Variants in PRKCZ observed in about 807,000 individuals in gnomAD.
The protein encoded by PRKCZ is protein kinase C zeta type.
Under a neutral mutation model 79.5 loss-of-function variants are expected in PRKCZ, and 33 were observed. The observed-to-expected ratio is 0.41, with a 90% CI of 0.31 to 0.55. PRKCZ has a LOEUF of 0.55. Ranked by LOEUF, PRKCZ falls within the 20% of genes least tolerant of loss-of-function variation. PRKCZ has a pLI of 0.19. For missense variants in PRKCZ, 578 were observed against 813.5 expected (o/e 0.71, Z 3.52); for synonymous variants, 342 against 320.9 (o/e 1.07, Z -0.70).
At chr1:2,083,691 GT>G (rs1453341597) in intron 4 of PRKCZ, among the ~76,000 whole-genome samples, 2 of 152,026 alleles carry the variant, frequency 1.3e-5, no homozygotes, top group African/African-American at 4.8e-5. Flanking sequence ...GAATTCCAGT[GT>G]GTCAGGAGGC....
rs1443115665 is a variant in PRKCZ, at chr1:2,127,869, G to A, written c.335-7393G>A. On this transcript the variant is annotated intron_variant, in intron 4 of 17. Coordinates refer to ENST00000378567, the MANE Select transcript of PRKCZ (RefSeq NM_002744.6). The surrounding 1 kb of genome is among the most constrained non-coding windows in gnomAD (Gnocchi z 5.1). ...GTCCCACCCCAAACCCCAAACTCCAGTGTCTGGGCCACGGGCAGCCCTGGG... is the reference window on the plus strand; with the variant it reads ...GTCCCACCCCAAACCCCAAACTCCAATGTCTGGGCCACGGGCAGCCCTGGG... Among the ~76,000 whole-genome samples the A allele has an allele frequency of 6.6e-6, 1 of 152,210 alleles. No homozygotes were observed. The highest frequency in any genetic ancestry group is 2.4e-5 in the African/African-American group (1 of 41,462).
At chr1:2,160,736 G>T (rs561577492) in intron 10 of PRKCZ, among the ~76,000 whole-genome samples, 1 of 152,300 alleles carries the variant, frequency 6.6e-6, no homozygotes, top group Admixed American at 6.5e-5. Context: ...CCCCATGTGG[G>T]GGAGTCACCC....
rs138411503 is a variant in PRKCZ at position 2,128,855 on chromosome 1, C to T, written c.335-6407C>T. 1.9e-4 allele frequency among the ~76,000 whole-genome samples: 29 copies of T among 152,260 alleles called. No individual in the cohort carries two copies. Among genetic ancestry groups the T allele is most frequent in the East Asian group, 5.8e-4 (3 of 5,180 alleles). On this transcript the variant is annotated intron_variant, in intron 4 of 17. Coordinates refer to ENST00000378567, the MANE Select transcript of PRKCZ (RefSeq NM_002744.6). The surrounding 1 kb of genome is among the most constrained non-coding windows in gnomAD (Gnocchi z 6.5). ...TGAGACCCTGTTCCACAGAGGTAGC[C>T]GGGGGACTCGCGGTGCCAGGCCCAC...
intron 10 of PRKCZ, among the ~76,000 whole-genome samples, chr1:2,162,376 C>T (rs756669692): frequency 2.6e-5 from 4 of 152,250 alleles, no homozygotes; most frequent in Non-Finnish European, 4.4e-5. Context: ...AAGTGATCCA[C>T]CTGCCTGGGC....
Position 2,050,779 on chromosome 1 carries a change from G to A in PRKCZ, c.71+78G>A, listed in dbSNP as rs563378466. 5.2e-5 allele frequency: 50 copies of A among 956,708 alleles called. No homozygotes were observed. In the African/African-American group the frequency reaches 6.8e-4, roughly 13 times the overall value. The allele number at this position is 956,708 out of a possible 1,614,324, so 59.3% of individuals were successfully genotyped here. ...AGGGCTCAGCCGTCGGGGCTCCTGC[G>A]CGAGAGGGAGAGAGGGAAGGGGCGG... On this transcript the variant is annotated intron_variant, in intron 1 of 17. Transcript: ENST00000378567.
At chr1:2,107,394 C>T (rs1198416696) in intron 4 of PRKCZ, among the ~76,000 whole-genome samples, 5 of 152,254 alleles carry the variant, frequency 3.3e-5, no homozygotes, top group African/African-American at 1.2e-4. Context: ...CGTCCTCTCT[C>T]CTTCCACGGC....
intron 4 of PRKCZ, among the ~76,000 whole-genome samples, chr1:2,126,397 C>A (rs1017991014): frequency 3.4e-4 from 51 of 152,162 alleles, no homozygotes; most frequent in South Asian, 1.0e-3. Flanking sequence ...ATGGGCAGGT[C>A]CCCCATCACG....
At chr1:2,085,700 C>T (rs1390569389) in intron 4 of PRKCZ, among the ~76,000 whole-genome samples, 1 of 118,264 alleles carries the variant, frequency 8.5e-6, no homozygotes, top group African/African-American at 3.2e-5. Context: ...GGGCTGAGGA[C>T]GTCGGGGGGC....
At chr1:2,169,057 G>A in intron 10 of PRKCZ, 1 of 432,800 alleles carries the variant, frequency 2.3e-6, no homozygotes, top group South Asian at 1.6e-5. Flanking sequence ...GAGGGCCGGT[G>A]GACTCCTCAG....
chr1:2,166,589 C>G (rs1683367478), intron 10 of PRKCZ, among the ~76,000 whole-genome samples: 1 of 152,074 alleles, frequency 6.6e-6, no homozygotes, highest in Admixed American at 6.6e-5. Flanking sequence ...AGTGTGGCTA[C>G]CAGGACACGG....
chr1:2,054,913 T>C (rs1660016566), intron 1 of PRKCZ, among the ~76,000 whole-genome samples: 1 of 151,862 alleles, frequency 6.6e-6, no homozygotes, highest in Non-Finnish European at 1.5e-5. Context: ...CGCGCTTTTT[T>C]CTCTGTGCAA....
intron 4 of PRKCZ, among the ~76,000 whole-genome samples, chr1:2,114,782 AG>A (rs1670412489): frequency 6.6e-6 from 1 of 151,950 alleles, no homozygotes; most frequent in Non-Finnish European, 1.5e-5. Flanking sequence ...CAAAAAAAAA[AG>A]AAAAAGAAAA....
intron 10 of PRKCZ, among the ~76,000 whole-genome samples, chr1:2,164,448 G>A (rs1682937343): frequency 6.6e-6 from 1 of 152,200 alleles, no homozygotes; most frequent in Non-Finnish European, 1.5e-5. Flanking sequence ...GTCCATGTTG[G>A]GTGTGGTATC....
intron 4 of PRKCZ, among the ~76,000 whole-genome samples, chr1:2,102,942 C>T (rs1009197083): frequency 1.3e-5 from 2 of 152,060 alleles, no homozygotes; most frequent in South Asian, 2.1e-4. Context: ...TACAGTGGTA[C>T]AATCACGGCT....
intron 4 of PRKCZ, among the ~76,000 whole-genome samples, chr1:2,100,364 T>A (rs1244807637): frequency 2.6e-5 from 4 of 152,238 alleles, no homozygotes; most frequent in Non-Finnish European, 5.9e-5. Flanking sequence ...GCCAGACCTC[T>A]GTCTGTCCCT....
intron 10 of PRKCZ, among the ~76,000 whole-genome samples, chr1:2,159,216 C>T (rs1433349132): frequency 1.3e-5 from 2 of 152,282 alleles, no homozygotes; most frequent in African/African-American, 4.8e-5. Context: ...CACACAGCAC[C>T]AGACACCCAC....
chr1:2,179,469 C>T (rs992452527), intron 16 of PRKCZ, among the ~76,000 whole-genome samples: 1 of 152,224 alleles, frequency 6.6e-6, no homozygotes, highest in Non-Finnish European at 1.5e-5. Context: ...TAGTGACTAT[C>T]AGGAGTCTGA....
Position 2,093,265 on chromosome 1 carries a change from C to T in PRKCZ, c.334+33674C>T, listed in dbSNP as rs573409207. Among the ~76,000 whole-genome samples the T allele has an allele frequency of 6.6e-5, 10 of 152,250 alleles. 1 individual carries two copies. The highest frequency in any genetic ancestry group is 2.2e-4 in the African/African-American group (9 of 41,504). ...TGTGGTCAGGTGTGGAGTGTGGGCC[C>T]GCTGGCCTCGCTGCTTCCTGCGCCC... On this transcript the variant is annotated intron_variant, in intron 4 of 17. Transcript: ENST00000378567.
intron 4 of PRKCZ, among the ~76,000 whole-genome samples, chr1:2,097,574 G>A (rs995945245): frequency 1.3e-5 from 2 of 151,962 alleles, no homozygotes; most frequent in Admixed American, 6.5e-5. Flanking sequence ...TGTTGTGTGC[G>A]TCCCTCAGCC....
Sources: allele counts gnomAD v4.1 joint callset (sites outside exome capture counted in the v4.1 genomes callset), GRCh38; gene constraint gnomAD v4.1.1; non-coding constraint Gnocchi (gnomAD v3.1); transcripts MANE v1.5; gene names NCBI Gene and HGNC (gene_info 2026-07-23, HGNC 2026-07-21).